Variants in TRPM2 observed in about 807,000 individuals in gnomAD.
The protein encoded by TRPM2 is transient receptor potential cation channel subfamily M member 2.
TRPM2 carries 161 observed loss-of-function variants against 174.0 expected under a neutral mutation model. The observed-to-expected ratio is 0.93, with a 90% CI of 0.81 to 1.05. The LOEUF (loss-of-function observed/expected upper bound fraction) is 1.05. Among genes scored for constraint, TRPM2 ranks in the 50% least tolerant of loss-of-function variants. The pLI, the probability that TRPM2 is intolerant of heterozygous loss-of-function variation, is 0.00. For synonymous variants in TRPM2, 954 were observed against 861.3 expected (o/e 1.11, Z -1.88); for missense variants, 2,057 against 2,038.0 (o/e 1.01, Z -0.18).
chr21:44,441,874 C>T lies in TRPM2; in HGVS notation c.*57C>T. ...TAGACGTTCCCCCCAGAAACCAGGG[C>T]TTCTCTCTCCTGAGCCTGGCCAGGA... On this transcript the variant is annotated 3_prime_UTR_variant, in exon 32 of 32. Transcript: ENST00000397928. The T allele has an allele frequency of 6.5e-7, 1 of 1,529,584 alleles. No individual in the cohort carries two copies. The highest frequency in any genetic ancestry group is 8.8e-7 in the Non-Finnish European group (1 of 1,136,236). The allele number at this position is 1,529,584 out of a possible 1,614,324, so 94.8% of individuals were successfully genotyped here. A position where few individuals can be genotyped will look rare whatever the true frequency, so the allele number is the denominator to read the frequency against.
chr21:44,423,690 GT>G lies in TRPM2; in HGVS notation c.3508del (p.Ser1170ArgfsTer26), dbSNP rs772008232. 4 of 1,612,748 alleles carry G rather than the reference GT, an allele frequency of 2.5e-6. No homozygotes were observed. The highest frequency in any genetic ancestry group is 3.4e-6 in the Non-Finnish European group (4 of 1,179,810). On this transcript the variant is annotated frameshift_variant, in exon 23 of 32. Transcript: ENST00000397928. LOFTEE classifies it high-confidence loss of function. Reference protein sequence around the residue: ...DLLDLDPLKRSGSMEQRLASL... With the variant: ...DLLDLDPLKRXGSMEQRLASL... ...TGCTGGACCTGGACCCACTGAAGAG[GT>G]CGGGCTCCATGGAGCAGAGGTTGGC...
intron 5 of TRPM2, among the ~76,000 whole-genome samples, chr21:44,373,608 A>G (rs1356848110): frequency 8.8e-6 from 1 of 113,604 alleles, no homozygotes; most frequent in Non-Finnish European, 1.9e-5. Flanking sequence ...TGCGACCTGC[A>G]TTATATGCGA....
chr21:44,358,573 G>A (rs1056269573), intron 2 of TRPM2, among the ~76,000 whole-genome samples: 8 of 152,202 alleles, frequency 5.3e-5, no homozygotes, highest in African/African-American at 1.9e-4. Context: ...GCTTGCAAAC[G>A]CCATGCAGGT....
chr21:44,355,616 T>G (rs45620538), intron 2 of TRPM2, among the ~76,000 whole-genome samples: 1,701 of 152,338 alleles, frequency 0.011, 23 homozygotes, highest in Admixed American at 0.041. Flanking sequence ...TGTGTTCATC[T>G]TTCTTGCTAG....
chr21:44,400,138 G>A (rs1816380327), intron 14 of TRPM2, 121 bp from the exon 15 acceptor site: 2 of 758,196 alleles, frequency 2.6e-6, no homozygotes, highest in Non-Finnish European at 4.2e-6. Context: ...ACCACTTTCT[G>A]CTGTGAGACT....
chr21:44,359,757 A>ATATT (rs373833142), intron 2 of TRPM2, among the ~76,000 whole-genome samples: 38 of 148,108 alleles, frequency 2.6e-4, no homozygotes, highest in African/African-American at 4.2e-4. Flanking sequence ...ATATATATAT[A>ATATT]TTTTTTTTGA....
At chr21:44,409,069 T>C (rs919361880) in intron 19 of TRPM2, among the ~76,000 whole-genome samples, 4 of 152,170 alleles carry the variant, frequency 2.6e-5, no homozygotes, top group Non-Finnish European at 4.4e-5. Context: ...AAAGGTATGA[T>C]TTGAATTTTT....
intron 20 of TRPM2, chr21:44,415,888 C>CT (rs1316183626): frequency 1.3e-5 from 2 of 152,144 alleles, no homozygotes; most frequent in African/African-American, 4.8e-5. Context: ...GCTCTTGCAG[C>CT]TTTTAAACTT....
In TRPM2 at chr21:44,390,911, G is replaced by A. The variant is rs748550480; in HGVS notation, c.1326G>A (p.Arg442=). Reference sequence around the variant, plus strand: ...GCACCTGTTCATCTGCAGCCTCACGGAGCCAAGACCACTTTGGCCACGAGA... The same window carrying A: ...GCACCTGTTCATCTGCAGCCTCACGAAGCCAAGACCACTTTGGCCACGAGA... ...AILQALLKAS[R]SQDHFGHENW... Residue 442 remains arginine (R), a synonymous_variant, in exon 10 of 32, where the codon CGG becomes CGA. Coordinates refer to ENST00000397928, the MANE Select transcript of TRPM2 (RefSeq NM_003307.4). 25 of 1,614,072 alleles carry A rather than the reference G, an allele frequency of 1.5e-5. No individual in the cohort carries two copies. The South Asian group carries it at 2.7e-4, about 18-fold the overall frequency.
At chr21:44,403,666 TAC>T (rs199559027) in intron 16 of TRPM2, among the ~76,000 whole-genome samples, 71 of 149,270 alleles carry the variant, frequency 4.8e-4, no homozygotes, top group African/African-American at 1.4e-3. Context: ...CACACATGCA[TAC>T]ACACATGCAT....
Position 44,366,505 on chromosome 21 carries a change from G to A in TRPM2, c.424-249G>A, listed in dbSNP as rs912960174. Among the ~76,000 whole-genome samples, 1 of 152,170 alleles carries A rather than the reference G, an allele frequency of 6.6e-6. No homozygotes were observed. Among genetic ancestry groups the A allele is most frequent in the African/African-American group, 2.4e-5 (1 of 41,462 alleles). On this transcript the variant is annotated intron_variant, in intron 3 of 31. Transcript: ENST00000397928. This position sits in a 1 kb window ranked among gnomAD's most constrained non-coding sequence, Gnocchi z 6.0. Reference sequence around the variant, plus strand: ...TGGGTGCCGTGGGGGCACGAGGGCTGGGGGAGGTTTGCTGAGGGCGATCCT... The same window carrying A: ...TGGGTGCCGTGGGGGCACGAGGGCTAGGGGAGGTTTGCTGAGGGCGATCCT...
chr21:44,400,310 T>C lies in TRPM2; in HGVS notation c.2260T>C (p.Trp754Arg). 1.9e-6 allele frequency: 3 copies of C among 1,612,928 alleles called. No individual in the cohort carries two copies. The African/African-American group carries it at 4.0e-5, about 21-fold the overall frequency. The stretch of plus-strand genomic sequence containing the variant: ...CCAGCTCTCCGTGGACAATGGGCTG[T>C]GGCGTGTGACCCTGTGCATGCTGGC... The part of the protein sequence containing the change: ...WGQLSVDNGL[W>R]RVTLCMLAFP... The change falls in exon 15 of 32, where the codon TGG becomes CGG. Residue 754 changes from tryptophan (W) to arginine (R), a missense_variant. Trp to Arg is a moderately radical substitution (Grantham distance 101). Transcript: ENST00000397928.
intron 27 of TRPM2, among the ~76,000 whole-genome samples, chr21:44,429,411 C>T (rs993032337): frequency 6.7e-6 from 1 of 149,334 alleles, no homozygotes; most frequent in African/African-American, 2.5e-5. Context: ...CCTCAGCCTC[C>T]TGAGTAGTTG....
rs147266275 is a variant in TRPM2, at chr21:44,397,781, G to C, written c.1967G>C (p.Ser656Thr). Reference sequence around the variant, plus strand: ...TGCATCGCAGCGGCCTTGGCCTGCAGCAAGATCCTGAAGGAACTGTCCAAG... The same window carrying C: ...TGCATCGCAGCGGCCTTGGCCTGCACCAAGATCCTGAAGGAACTGTCCAAG... ...QDCIAAALAC[S>T]KILKELSKEE... The change falls in exon 13 of 32, where the codon AGC becomes ACC. Residue 656 changes from serine to threonine, a missense_variant. Coordinates refer to ENST00000397928, the MANE Select transcript of TRPM2 (RefSeq NM_003307.4). 1 of 1,601,944 alleles carries C rather than the reference G, an allele frequency of 6.2e-7. No individual in the cohort carries two copies. Among genetic ancestry groups the C allele is most frequent in the African/African-American group, 1.3e-5 (1 of 74,564 alleles).
intron 20 of TRPM2, chr21:44,415,852 G>A (rs1437297824): frequency 6.6e-6 from 1 of 152,144 alleles, no homozygotes; most frequent in Non-Finnish European, 1.5e-5. Flanking sequence ...GCAGCTGTGG[G>A]CCCCAGGCTT....
chr21:44,382,451 A>G (rs950277828), intron 8 of TRPM2, among the ~76,000 whole-genome samples: 2 of 152,234 alleles, frequency 1.3e-5, no homozygotes, highest in Admixed American at 6.5e-5. Flanking sequence ...GCAGCCTCGC[A>G]TGAAGCTGCA....
chr21:44,353,208 A>G (rs890567046), upstream of TRPM2: 2 of 152,566 alleles, frequency 1.3e-5, no homozygotes, highest in African/African-American at 4.8e-5. Context: ...GGCTATTTAA[A>G]AAAATTTTGG....
intron 4 of TRPM2, among the ~76,000 whole-genome samples, chr21:44,368,777 A>G (rs1483327152): frequency 1.3e-5 from 2 of 152,140 alleles, no homozygotes; most frequent in Non-Finnish European, 2.9e-5. Context: ...CCAGCAGCAG[A>G]TGGCAGGTGG....
Position 44,440,775 on chromosome 21 carries a change from C to T in TRPM2, c.4270-14C>T, listed in dbSNP as rs1490241773. On this transcript the variant is annotated splice_polypyrimidine_tract_variant and intron_variant, in intron 30 of 31. Transcript: ENST00000397928. ...GTCCCTCGCTGTCGGGCTTACCCTG[C>T]CCTGCCCATCCAGGTGTACAAAGGC... is the stretch of plus-strand genomic sequence containing the variant. The T allele has an allele frequency of 6.2e-7, 1 of 1,611,344 alleles. No individual in the cohort carries two copies. Among genetic ancestry groups the T allele is most frequent in the Non-Finnish European group, 8.5e-7 (1 of 1,178,068 alleles).
Sources: allele counts gnomAD v4.1 joint callset (sites outside exome capture counted in the v4.1 genomes callset), GRCh38; gene constraint gnomAD v4.1.1; non-coding constraint Gnocchi (gnomAD v3.1); transcripts MANE v1.5; gene names NCBI Gene and HGNC (gene_info 2026-07-23, HGNC 2026-07-21).